The following MYO5B variants were observed in gnomAD, a reference collection of about 807,000 sequenced individuals.
MYO5B encodes myosin VB.
A neutral mutation model predicts 229.3 loss-of-function variants in MYO5B; 143 were observed. That is an observed-to-expected ratio of 0.62 (90% confidence interval 0.54 to 0.72). The LOEUF (loss-of-function observed/expected upper bound fraction) is 0.72, where lower values mean the gene tolerates loss of function less well. Ranked by LOEUF, MYO5B falls within the 30% of genes least tolerant of loss-of-function variation. The pLI, the probability that MYO5B is intolerant of heterozygous loss-of-function variation, is 0.00. For missense variants in MYO5B, 2,321 were observed against 2,331.0 expected (o/e 1.00, Z 0.09); for synonymous variants, 918 against 885.2 (o/e 1.04, Z -0.66).
chr18:49,905,482 T>G (rs886993902), intron 19 of MYO5B, among the ~76,000 whole-genome samples: 3 of 152,150 alleles, frequency 2.0e-5, no homozygotes, highest in African/African-American at 2.4e-5. Context: ...CTATAACAAG[T>G]GCTCAATTAG....
chr18:49,905,588 C>A (rs1568025548), intron 19 of MYO5B, among the ~76,000 whole-genome samples: 1 of 152,210 alleles, frequency 6.6e-6, no homozygotes, highest in Non-Finnish European at 1.5e-5. Context: ...CACCTGTTTG[C>A]TGAAATGCAT....
chr18:50,151,977 C>G (rs536983781), intron 1 of MYO5B, among the ~76,000 whole-genome samples: 3 of 152,296 alleles, frequency 2.0e-5, no homozygotes, highest in Admixed American at 6.5e-5. Context: ...ACATCCGCCC[C>G]GTTCAGATCC....
At chr18:50,047,241 A>T (rs2030255437) in intron 2 of MYO5B, among the ~76,000 whole-genome samples, 1 of 147,750 alleles carries the variant, frequency 6.8e-6, no homozygotes, top group African/African-American at 2.5e-5. Flanking sequence ...ACAAATTTAC[A>T]AGAAAAAAAC....
Position 50,133,582 on chromosome 18 carries a change from CTCCG to C in MYO5B, c.27+61181_27+61184del, listed in dbSNP as rs558370589. Among the ~76,000 whole-genome samples the C allele has an allele frequency of 2.3e-4, 35 of 152,296 alleles. 1 individual carries two copies. In the South Asian group the frequency reaches 7.1e-3, roughly 31 times the overall value. Reference sequence around the variant, plus strand: ...GATGAGCCCAGAAATCCCTCCATCCCTCCGTCCGTCCGTCTGTCTGTCTGTCCCC... The same window carrying C: ...GATGAGCCCAGAAATCCCTCCATCCCTCCGTCCGTCTGTCTGTCTGTCCCC... On this transcript the variant is annotated intron_variant, in intron 1 of 39. Coordinates refer to ENST00000285039, the MANE Select transcript of MYO5B (RefSeq NM_001080467.3).
At chr18:50,030,891 A>G (rs1391238832) in intron 4 of MYO5B, among the ~76,000 whole-genome samples, 10 of 44,302 alleles carry the variant, frequency 2.3e-4, no homozygotes, top group Admixed American at 2.6e-4. Flanking sequence ...AAAAAAAAAA[A>G]AAAAAAAAAA....
chr18:50,149,852 T>A (rs12955267), intron 1 of MYO5B, among the ~76,000 whole-genome samples: 146,983 of 151,074 alleles, frequency 0.97, 71,629 homozygotes, highest in East Asian at 1. Context: ...TCAACTAAAG[T>A]GCTTCTGCAC....
intron 1 of MYO5B, among the ~76,000 whole-genome samples, chr18:50,150,959 C>T (rs1016178195): frequency 4.6e-5 from 7 of 152,268 alleles, no homozygotes; most frequent in Admixed American, 2.6e-4. Context: ...GGCAAGGCCT[C>T]TGCCCCTAAA....
At chr18:49,831,484 A>G (rs2023920969) in intron 39 of MYO5B, among the ~76,000 whole-genome samples, 1 of 152,358 alleles carries the variant, frequency 6.6e-6, no homozygotes, top group Admixed American at 6.5e-5. Flanking sequence ...TCCAGAGAAG[A>G]TATATACATG....
chr18:50,181,205 A>G (rs1445339425), intron 1 of MYO5B, among the ~76,000 whole-genome samples: 1 of 152,260 alleles, frequency 6.6e-6, no homozygotes, highest in Non-Finnish European at 1.5e-5. Context: ...TAATTGTACT[A>G]ACATACATAT....
At chr18:50,052,190 C>G (rs1287844169) in intron 2 of MYO5B, among the ~76,000 whole-genome samples, 2 of 152,162 alleles carry the variant, frequency 1.3e-5, no homozygotes, top group Admixed American at 6.5e-5. Flanking sequence ...TTTGACCCAG[C>G]CATCCCATTA....
At chr18:49,868,158 A>T (rs1158259467) in intron 27 of MYO5B, among the ~76,000 whole-genome samples, 1 of 152,200 alleles carries the variant, frequency 6.6e-6, no homozygotes, top group Non-Finnish European at 1.5e-5. Flanking sequence ...AGAAATAAAT[A>T]TCCAAATAAT....
Position 50,158,290 on chromosome 18 carries a change from G to A in MYO5B, c.27+36477C>T, listed in dbSNP as rs576600147. On this transcript the variant is annotated intron_variant, in intron 1 of 39. Coordinates refer to ENST00000285039, the MANE Select transcript of MYO5B (RefSeq NM_001080467.3). Reference sequence around the variant, plus strand: ...AAGAAGAAATAGATGGAAGATCCCTGGATCTCCCAATGAGCTCACATGGAT... The same window carrying A: ...AAGAAGAAATAGATGGAAGATCCCTAGATCTCCCAATGAGCTCACATGGAT... Among the ~76,000 whole-genome samples, 6 of 152,244 alleles carry A rather than the reference G, an allele frequency of 3.9e-5. No individual in the cohort carries two copies. The South Asian group carries it at 1.2e-3, about 32-fold the overall frequency.
intron 13 of MYO5B, 74 bp downstream of exon 13, chr18:49,954,239 C>A: frequency 1.3e-6 from 2 of 1,594,982 alleles, no homozygotes; most frequent in South Asian, 2.2e-5. Context: ...AGATTTCTCT[C>A]TAGGTCTAGA....
chr18:49,994,387 T>C (rs1208985070), intron 5 of MYO5B, among the ~76,000 whole-genome samples: 1 of 152,278 alleles, frequency 6.6e-6, no homozygotes, highest in Non-Finnish European at 1.5e-5. Context: ...CTTGTCCTCA[T>C]ACGTAACTTG....
At chr18:49,914,528 C>T (rs1339677375) in intron 17 of MYO5B, among the ~76,000 whole-genome samples, 1 of 151,872 alleles carries the variant, frequency 6.6e-6, no homozygotes, top group Non-Finnish European at 1.5e-5. Flanking sequence ...ACCTGTAATC[C>T]CAGCACTTTG....
At chr18:49,919,311 G>A (rs1048060783) in intron 17 of MYO5B, among the ~76,000 whole-genome samples, 5 of 151,608 alleles carry the variant, frequency 3.3e-5, no homozygotes, top group Non-Finnish European at 7.4e-5. Context: ...CACAACCAAA[G>A]AAATAAACAG....
chr18:49,911,240 C>T (rs1290929041), intron 18 of MYO5B, among the ~76,000 whole-genome samples: 1 of 152,178 alleles, frequency 6.6e-6, no homozygotes, highest in African/African-American at 2.4e-5. Context: ...AGCCAGAGAT[C>T]CTGAGCCGGC....
intron 20 of MYO5B, 79 bp downstream of exon 20, chr18:49,904,593 G>A (rs1006520116): frequency 6.3e-7 from 1 of 1,576,504 alleles, no homozygotes; most frequent in Non-Finnish European, 8.7e-7. Context: ...CTTGACAGAG[G>A]TTCACGTTGG....
At chr18:49,915,327 T>C (rs1170453636) in intron 17 of MYO5B, among the ~76,000 whole-genome samples, 1 of 152,264 alleles carries the variant, frequency 6.6e-6, no homozygotes, top group African/African-American at 2.4e-5. Context: ...ACTACTAACC[T>C]ACTTTGTCTC....
Sources: gnomAD v4.1 joint callset for allele counts (sites outside exome capture counted in the v4.1 genomes callset) on GRCh38, gnomAD v4.1.1 for gene constraint, MANE v1.5 for transcripts, NCBI Gene and HGNC (gene_info 2026-07-23, HGNC 2026-07-21) for gene names.